The following THADA variants were observed in gnomAD, a reference collection of about 807,000 sequenced individuals.
THADA encodes THADA armadillo repeat containing.
Under a neutral mutation model 219.8 loss-of-function variants are expected in THADA, and 213 were observed. The ratio of observed to expected loss-of-function variants is 0.97; its 90% CI spans 0.87 to 1.09. The LOEUF is 1.09. Among genes scored for constraint, THADA ranks in the 50% least tolerant of loss-of-function variants. The pLI, the probability that THADA is intolerant of heterozygous loss-of-function variation, is 0.00. For missense variants in THADA, 2,956 were observed against 2,311.3 expected, an observed-to-expected ratio of 1.28 and a Z score of -5.72; for synonymous variants, 1,018 against 828.9, an observed-to-expected ratio of 1.23 and a Z score of -3.92.
At chr2:43,480,257 T>G (rs565168140) in intron 26 of THADA, among the ~76,000 whole-genome samples, 2 of 152,264 alleles carry the variant, frequency 1.3e-5, no homozygotes, top group African/African-American at 4.8e-5. Flanking sequence ...TCGGCTAAGT[T>G]AGACATGTAT....
At chr2:43,337,153 A>C (rs1390585666) in intron 30 of THADA, among the ~76,000 whole-genome samples, 1 of 152,266 alleles carries the variant, frequency 6.6e-6, no homozygotes, top group African/African-American at 2.4e-5. Flanking sequence ...CCTCTGGCTG[A>C]CACTGCACAG....
intron 26 of THADA, among the ~76,000 whole-genome samples, chr2:43,453,815 T>C (rs1225173267): frequency 6.6e-6 from 1 of 152,224 alleles, no homozygotes; most frequent in East Asian, 1.9e-4. Flanking sequence ...CCAAAATCGT[T>C]TAAAGACTGA....
chr2:43,306,291 T>C lies in THADA; in HGVS notation c.4439-13078A>G, dbSNP rs942474319. Among the ~76,000 whole-genome samples the C allele has an allele frequency of 5.9e-5, 9 of 152,120 alleles. 1 individual carries two copies. Among genetic ancestry groups the C allele is most frequent in the Non-Finnish European group, 1.0e-4 (7 of 68,010 alleles). On this transcript the variant is annotated intron_variant, in intron 31 of 37. Transcript: ENST00000405975. ...CCTCCCAAAGTGTTGGTACTACAGG[T>C]GTGAGGTACTGCGCTCGGCCTACTT...
chr2:43,542,317 G>A (rs1695432112), intron 20 of THADA, among the ~76,000 whole-genome samples: 1 of 152,160 alleles, frequency 6.6e-6, no homozygotes, highest in African/African-American at 2.4e-5. Context: ...GAATTGGAGA[G>A]GAAACCTTGG....
In THADA at chr2:43,586,391, T is replaced by A; in HGVS notation, c.533+10A>T. The A allele has an allele frequency of 6.3e-7, 1 of 1,577,846 alleles. No individual in the cohort carries two copies. The highest frequency in any genetic ancestry group is 1.2e-5 in the South Asian group (1 of 83,458). The stretch of plus-strand genomic sequence containing the variant: ...GTGTGCACACACAAATGCCAACATA[T>A]AGCACTTGCCTATTTTCTTCCAGGA... On this transcript the variant is annotated intron_variant, in intron 7 of 37. Coordinates refer to ENST00000405975, the MANE Select transcript of THADA (RefSeq NM_022065.5).
chr2:43,532,160 C>G (rs1255013113), intron 21 of THADA, among the ~76,000 whole-genome samples: 1 of 151,856 alleles, frequency 6.6e-6, no homozygotes, highest in Non-Finnish European at 1.5e-5. Flanking sequence ...GCCTGTAATG[C>G]CAGCACTTTG....
rs2104184916 is a variant in THADA, at chr2:43,590,916, C to T, written c.210G>A (p.Met70Ile). 1.9e-6 allele frequency: 3 copies of T among 1,613,728 alleles called. No individual in the cohort carries two copies. Among genetic ancestry groups the T allele is most frequent in the African/African-American group, 1.3e-5 (1 of 75,030 alleles). The change falls in exon 4 of 38, where the codon ATG (methionine) becomes ATA (isoleucine). Residue 70 changes from methionine (M) to isoleucine (I), a missense_variant. Physicochemically the swap from Met to Ile is conservative, Grantham distance 10 (BLOSUM62 1). Transcript: ENST00000405975. ...AACAACTTTGAATAGTGGGATCACA[C>T]ATGCCATTTTTATCTGCTTTCTCCA... ...PLLEKADKNG[M>I]CDPTIQSCLD...
At chr2:43,286,798 A>G in intron 35 of THADA, 110 bp downstream of exon 35, 1 of 1,237,534 alleles carries the variant, frequency 8.1e-7, no homozygotes. Flanking sequence ...TGAAAGACAT[A>G]AAGGCAGGTG....
intron 28 of THADA, among the ~76,000 whole-genome samples, chr2:43,427,754 A>G (rs1055728965): frequency 8.0e-5 from 12 of 149,752 alleles, no homozygotes; most frequent in African/African-American, 2.9e-4. Context: ...CAGGAGATCG[A>G]GACCATTCTG....
At chr2:43,568,817 G>A (rs913444456) in intron 14 of THADA, among the ~76,000 whole-genome samples, 3 of 151,920 alleles carry the variant, frequency 2.0e-5, no homozygotes, top group African/African-American at 4.8e-5. Context: ...TGGAGTGGGG[G>A]GAATCATTTG....
chr2:43,370,351 G>C (rs1670651927), intron 29 of THADA, among the ~76,000 whole-genome samples: 1 of 152,124 alleles, frequency 6.6e-6, no homozygotes, highest in Non-Finnish European at 1.5e-5. Context: ...CATCATGCTG[G>C]AGAGATCTCA....
At chr2:43,577,001 G>C in intron 10 of THADA, 21 bp downstream of exon 10, 3 of 1,596,404 alleles carry the variant, frequency 1.9e-6, no homozygotes, top group Non-Finnish European at 2.6e-6. Context: ...CAAAATATGA[G>C]ACGATAGCAT....
Position 43,552,313 on chromosome 2 carries a change from C to T in THADA, c.2701G>A (p.Glu901Lys), listed in dbSNP as rs1246018460. ...TTTTCAGCCTGAGATACTTCTTCCT[C>T]AAGATTTTCCATCAAGCATTTGATA... is the stretch of plus-strand genomic sequence containing the variant. ...MVIKCLMENL[E>K]EEVSQAENSL... Residue 901 changes from glutamate to lysine, a missense_variant, in exon 18 of 38, where the codon GAG becomes AAG. Coordinates refer to ENST00000405975, the MANE Select transcript of THADA (RefSeq NM_022065.5). 3.1e-6 allele frequency: 5 copies of T among 1,595,424 alleles called. No homozygotes were observed. Among genetic ancestry groups the T allele is most frequent in the Non-Finnish European group, 4.3e-6 (5 of 1,175,126 alleles).
intron 24 of THADA, among the ~76,000 whole-genome samples, chr2:43,504,969 T>C (rs957461166): frequency 6.6e-6 from 1 of 152,206 alleles, no homozygotes; most frequent in African/African-American, 2.4e-5. Flanking sequence ...CAGTACTTGA[T>C]AGTTATTAAT....
In THADA at chr2:43,450,242, A is replaced by C. The variant is rs540712993; in HGVS notation, c.3837-19940T>G. Among the ~76,000 whole-genome samples, 480 of 152,312 alleles carry C rather than the reference A, an allele frequency of 3.2e-3. 3 individuals carry two copies. The highest frequency in any genetic ancestry group is 0.011 in the African/African-American group (457 of 41,574). On this transcript the variant is annotated intron_variant, in intron 26 of 37. Transcript: ENST00000405975. ...TAGATTAAAAACCAGTATTATTATA[A>C]CTTCATACTTTGTTTTCTACATAAA...
At chr2:43,533,805 C>A (rs1694205534) in intron 21 of THADA, among the ~76,000 whole-genome samples, 1 of 152,058 alleles carries the variant, frequency 6.6e-6, no homozygotes, top group African/African-American at 2.4e-5. Flanking sequence ...GGCTTAAAAC[C>A]TAGATGACAG....
chr2:43,335,142 T>A (rs1056477792), intron 30 of THADA, among the ~76,000 whole-genome samples: 1 of 152,128 alleles, frequency 6.6e-6, no homozygotes. Flanking sequence ...CACCCAGACC[T>A]AGTGAATGAG....
chr2:43,531,486 A>T (rs17031000), intron 21 of THADA, among the ~76,000 whole-genome samples: 16,040 of 152,246 alleles, frequency 0.11, 931 homozygotes, highest in African/African-American at 0.14. Context: ...AAGGAAGAGA[A>T]GAATCCGATT....
intron 31 of THADA, among the ~76,000 whole-genome samples, chr2:43,300,860 C>T (rs1278026274): frequency 6.6e-6 from 1 of 152,190 alleles, no homozygotes; most frequent in Non-Finnish European, 1.5e-5. Flanking sequence ...TGTGAAACCA[C>T]GGACTGCTGC....
Sources: allele counts gnomAD v4.1 joint callset (sites outside exome capture counted in the v4.1 genomes callset), GRCh38; gene constraint gnomAD v4.1.1; transcripts MANE v1.5; gene names NCBI Gene and HGNC (gene_info 2026-07-23, HGNC 2026-07-21).